Variants in MGST1 observed in about 807,000 individuals in gnomAD.
MGST1 encodes microsomal glutathione S-transferase 1, also known as glutathione S-transferase 12.
In MGST1, 5 loss-of-function variants were observed where a neutral mutation model predicts 8.9. That is an observed-to-expected ratio of 0.56 (90% CI 0.29 to 1.19). The LOEUF (loss-of-function observed/expected upper bound fraction) is 1.19, where lower values mean the gene tolerates loss of function less well. MGST1 is among the 50% of genes most tolerant of loss of function. The probability of loss-of-function intolerance (pLI) is 0.08; values close to 1 mark genes in which losing one functional copy is unlikely to be tolerated. For synonymous variants in MGST1, 54 were observed against 67.8 expected, an observed-to-expected ratio of 0.80 and a Z score of 1.00; for missense variants, 182 against 187.4, an observed-to-expected ratio of 0.97 and a Z score of 0.17.
intron 4 of MGST1, among the ~76,000 whole-genome samples, chr12:16,542,711 C>T (rs1275650044): frequency 6.6e-6 from 1 of 152,196 alleles, no homozygotes; most frequent in Non-Finnish European, 1.5e-5. Flanking sequence ...GCCGTCTTGA[C>T]TAAACTATCA....
intron 4 of MGST1, among the ~76,000 whole-genome samples, chr12:16,457,756 C>T (rs933190258): frequency 6.6e-6 from 1 of 151,970 alleles, no homozygotes; most frequent in Non-Finnish European, 1.5e-5. Context: ...TTTGTTTAAA[C>T]TTGCAAGCTG....
At chr12:16,443,064 T>G (rs1199845108), downstream of MGST1, among the ~76,000 whole-genome samples, 3 of 151,952 alleles carry the variant, frequency 2.0e-5, no homozygotes, top group Middle Eastern at 3.4e-3. Flanking sequence ...CATACAAGTT[T>G]AGGGTTATAT....
chr12:16,451,501 G>A (rs1941129029), intron 4 of MGST1, among the ~76,000 whole-genome samples: 1 of 151,798 alleles, frequency 6.6e-6, no homozygotes, highest in African/African-American at 2.4e-5. Flanking sequence ...TTGAGTAGAG[G>A]CAATGCATTT....
At position 16,514,241 on chromosome 12, in the gene MGST1, T is replaced by TGGCA. The variant is rs1467741345; in HGVS notation, n.483-75283_483-75280dup. The TGGCA allele has an allele frequency of 2.4e-5, 7 of 287,122 alleles. No individual in the cohort carries two copies. In the East Asian group the frequency reaches 7.4e-4, roughly 30 times the overall value. 17.8% of individuals were successfully genotyped at this position (287,122 alleles called of 1,614,324 possible). A position where few individuals can be genotyped will look rare whatever the true frequency, so the allele number is the denominator to read the frequency against. ...AACATGGTCTTACACAGTGAGGGTG[T>TGGCA]GGCAGGCTTCACCATGGTTTGCAAA... On this transcript the variant is annotated intron_variant and non_coding_transcript_variant, in intron 4 of 4. Coordinates refer to the MGST1 transcript ENST00000538857.
Position 16,555,621 on chromosome 12 carries a change from T to A in MGST1, n.483-33907T>A, listed in dbSNP as rs1445462761. On this transcript the variant is annotated intron_variant and non_coding_transcript_variant, in intron 4 of 4. Transcript: ENST00000538857. This position sits in a 1 kb window ranked among gnomAD's most constrained non-coding sequence, Gnocchi z 5.5. The stretch of plus-strand genomic sequence containing the variant: ...CATTTTGACTTTTATTTAATGGCTT[T>A]TCAAAGACTAAGTTTACAATTTCAT... 6.6e-6 allele frequency among the ~76,000 whole-genome samples: 1 copy of A among 152,230 alleles called. No homozygotes were observed. Among genetic ancestry groups the A allele is most frequent in the African/African-American group, 2.4e-5 (1 of 41,462 alleles).
intron 4 of MGST1, among the ~76,000 whole-genome samples, chr12:16,531,187 T>G (rs1375760258): frequency 7.7e-6 from 1 of 129,760 alleles, no homozygotes; most frequent in South Asian, 2.4e-4. Context: ...AAAAAAGTAA[T>G]GATCATGGTG....
intron 4 of MGST1, among the ~76,000 whole-genome samples, chr12:16,484,936 A>G (rs961131432): frequency 2.6e-5 from 4 of 152,210 alleles, no homozygotes; most frequent in East Asian, 1.9e-4. Flanking sequence ...CCTGATCACT[A>G]TGCCCACTAT....
At position 16,500,361 on chromosome 12, in the gene MGST1, T is replaced by C. The variant is rs538787183; in HGVS notation, n.483-89167T>C. ...TAAACTGGAAAAAGAGAGGTTCTTA[T>C]TATAACAACAGCTATTCCCAACCTT... On this transcript the variant is annotated intron_variant and non_coding_transcript_variant, in intron 4 of 4. Coordinates refer to the MGST1 transcript ENST00000538857. This position sits in a 1 kb window ranked among gnomAD's most constrained non-coding sequence, Gnocchi z 4.3. Among the ~76,000 whole-genome samples the C allele has an allele frequency of 1.3e-5, 2 of 152,340 alleles. No homozygotes were observed. The highest frequency in any genetic ancestry group is 3.9e-4 in the East Asian group (2 of 5,184).
intron 4 of MGST1, among the ~76,000 whole-genome samples, chr12:16,476,391 A>T (rs1941323417): frequency 6.6e-6 from 1 of 152,218 alleles, no homozygotes; most frequent in African/African-American, 2.4e-5. Context: ...ACTTATTCCC[A>T]TGAATATTGA....
intron 4 of MGST1, among the ~76,000 whole-genome samples, chr12:16,566,660 C>T (rs1203946112): frequency 6.6e-6 from 1 of 152,032 alleles, no homozygotes. Flanking sequence ...TCTATATTAA[C>T]TCTAGCTTAT....
At chr12:16,417,620 T>A (rs1940798653) in intron 1 of MGST1, among the ~76,000 whole-genome samples, 2 of 152,160 alleles carry the variant, frequency 1.3e-5, no homozygotes, top group African/African-American at 4.8e-5. Flanking sequence ...GTACTCTTTC[T>A]AGAAGCAATA....
intron 1 of MGST1, among the ~76,000 whole-genome samples, chr12:16,437,121 G>A (rs1565454615): frequency 6.6e-6 from 1 of 151,854 alleles, no homozygotes; most frequent in East Asian, 1.9e-4. Flanking sequence ...TGGAGGAAGA[G>A]GAACTCATAT....
At chr12:16,381,980 A>G (rs1225926817), downstream of MGST1, among the ~76,000 whole-genome samples, 1 of 152,084 alleles carries the variant, frequency 6.6e-6, no homozygotes, top group Non-Finnish European at 1.5e-5. Flanking sequence ...CTTGGTTTTC[A>G]GCTCCATCAG....
intron 4 of MGST1, among the ~76,000 whole-genome samples, chr12:16,583,523 A>G (rs1943230201): frequency 6.6e-6 from 1 of 152,254 alleles, no homozygotes; most frequent in Non-Finnish European, 1.5e-5. Flanking sequence ...AGCCAAGGAC[A>G]TAAAATTGGC....
rs577296763 is a variant in MGST1 at position 16,572,223 on chromosome 12, C to T, written n.483-17305C>T. 8.6e-5 allele frequency among the ~76,000 whole-genome samples: 13 copies of T among 151,438 alleles called. No homozygotes were observed. In the South Asian group the frequency reaches 1.0e-3, roughly 12 times the overall value. ...GAGAAATACTAAAGTTGTACTTTTACGTAGTAAAGCTCTACAGAAGGAATT... is the reference window on the plus strand; with the variant it reads ...GAGAAATACTAAAGTTGTACTTTTATGTAGTAAAGCTCTACAGAAGGAATT... On this transcript the variant is annotated intron_variant and non_coding_transcript_variant, in intron 4 of 4. Coordinates refer to the MGST1 transcript ENST00000538857.
At chr12:16,420,113 ATATG>A (rs1591722608) in intron 1 of MGST1, among the ~76,000 whole-genome samples, 1 of 152,296 alleles carries the variant, frequency 6.6e-6, no homozygotes, top group East Asian at 1.9e-4. Flanking sequence ...AGCTTTACAT[ATATG>A]AATTTTAAGA....
At chr12:16,568,343 T>G (rs972842818) in intron 4 of MGST1, among the ~76,000 whole-genome samples, 5 of 152,180 alleles carry the variant, frequency 3.3e-5, no homozygotes, top group Non-Finnish European at 7.3e-5. Flanking sequence ...CAGAGAAACA[T>G]AGAAAACAGA....
Position 16,410,567 on chromosome 12 carries a change from C to T in MGST1, n.779-26821C>T, listed in dbSNP as rs567688758. ...ATATGTTTATACACTATTATATGTA[C>T]GTAATATATATTTTTACACATACAT... On this transcript the variant is annotated intron_variant and non_coding_transcript_variant, in intron 1 of 1. Transcript: ENST00000359720. This position sits in a 1 kb window ranked among gnomAD's most constrained non-coding sequence, Gnocchi z 4.4. 7.5e-4 allele frequency among the ~76,000 whole-genome samples: 111 copies of T among 147,614 alleles called. No homozygotes were observed. Among genetic ancestry groups the T allele is most frequent in the Non-Finnish European group, 3.0e-4 (20 of 67,170 alleles).
chr12:16,502,864 C>T (rs1371929314), intron 4 of MGST1, among the ~76,000 whole-genome samples: 1 of 152,168 alleles, frequency 6.6e-6, no homozygotes, highest in Non-Finnish European at 1.5e-5. Context: ...AAATTTAGTA[C>T]TTCAAATTCA....
Sources: gnomAD v4.1 joint callset for allele counts (sites outside exome capture counted in the v4.1 genomes callset) on GRCh38, gnomAD v4.1.1 for gene constraint, Gnocchi (gnomAD v3.1) non-coding constraint, MANE v1.5 for transcripts, NCBI Gene and HGNC (gene_info 2026-07-23, HGNC 2026-07-21) for gene names.